RGS3: variants seen among roughly 807,000 people sequenced by gnomAD.
The protein encoded by RGS3 is regulator of G protein signaling 3, also known as regulator of G-protein signalling 3.
RGS3 carries 80 observed loss-of-function variants against 132.6 expected under a neutral mutation model. That is an observed-to-expected ratio of 0.60 (90% confidence interval 0.50 to 0.73). The LOEUF (loss-of-function observed/expected upper bound fraction) is 0.73. Among genes scored for constraint, RGS3 ranks in the 30% least tolerant of loss-of-function variants. RGS3 has a pLI of 0.00. For synonymous variants in RGS3, 598 were observed against 620.6 expected, an observed-to-expected ratio of 0.96 and a Z score of 0.54; for missense variants, 1,382 against 1,530.8, an observed-to-expected ratio of 0.90 and a Z score of 1.62.
chr9:113,583,327 C>T (rs1834916456), intron 19 of RGS3, 123 bp from the exon 18 acceptor site: 8 of 1,454,758 alleles, frequency 5.5e-6, no homozygotes, highest in Non-Finnish European at 7.2e-6. Context: ...TCTGGCACCT[C>T]AGCTTTCAGA....
At chr9:113,479,023 G>A (rs942773623) in intron 3 of RGS3, 15 of 169,908 alleles carry the variant, frequency 8.8e-5, no homozygotes, top group Non-Finnish European at 1.3e-4. Context: ...TTGTGTGCAC[G>A]TGCTTGTGTT....
At chr9:113,560,115 T>C (rs919467509) in intron 19 of RGS3, among the ~76,000 whole-genome samples, 2 of 152,194 alleles carry the variant, frequency 1.3e-5, no homozygotes, top group African/African-American at 4.8e-5. Flanking sequence ...CTGTGCTCTC[T>C]CTAAATTCCA....
At position 113,479,476 on chromosome 9, in the gene RGS3, T is replaced by G; in HGVS notation, c.416-15T>G. The G allele has an allele frequency of 5.6e-6, 9 of 1,614,134 alleles. No individual in the cohort carries two copies. Among genetic ancestry groups the G allele is most frequent in the Non-Finnish European group, 7.6e-6 (9 of 1,179,962 alleles). On this transcript the variant is annotated splice_polypyrimidine_tract_variant and intron_variant, in intron 3 of 24. Transcript: ENST00000350696. ...GGGAGCTGAGGCAAGGTTGTTTCTG[T>G]TGCTGTTTCCTTAGGTCAGCTGAGG...
At chr9:113,552,147 CTTAATATT>C (rs1833364222) in intron 19 of RGS3, among the ~76,000 whole-genome samples, 1 of 151,888 alleles carries the variant, frequency 6.6e-6, no homozygotes. Flanking sequence ...TTTTTTAACT[CTTAATATT>C]TTAATCAATT....
At chr9:113,559,046 A>T (rs545832538) in intron 19 of RGS3, among the ~76,000 whole-genome samples, 64 of 152,358 alleles carry the variant, frequency 4.2e-4, no homozygotes, top group African/African-American at 1.4e-3. Flanking sequence ...TTAGCATTTC[A>T]GTCTTTCCCC....
chr9:113,495,901 C>G, intron 8 of RGS3, 55 bp downstream of exon 6: 2 of 1,459,458 alleles, frequency 1.4e-6, no homozygotes, highest in Non-Finnish European at 9.6e-7. Context: ...GGGGCTGGTA[C>G]AGGCAGAGTT....
At chr9:113,584,337 C>T (rs1273302080) in exon 20 of RGS3, 1 of 1,594,982 alleles carries the variant, frequency 6.3e-7, no homozygotes, top group Non-Finnish European at 8.5e-7. Flanking sequence ...CCACCTGGGG[C>T]ATGCCTTCGC....
At chr9:113,485,769 AG>A in intron 7 of RGS3, 76 bp downstream of exon 5, 1 of 1,080,784 alleles carries the variant, frequency 9.3e-7, no homozygotes. Flanking sequence ...AGCATACACC[AG>A]GGGTTCGATT....
chr9:113,576,178 C>T (rs972216899), intron 19 of RGS3, among the ~76,000 whole-genome samples: 8 of 150,922 alleles, frequency 5.3e-5, no homozygotes, highest in African/African-American at 7.3e-5. Flanking sequence ...CCAGCCTGGG[C>T]GACAGAGCGA....
chr9:113,491,922 G>A (rs1830534730), intron 7 of RGS3, among the ~76,000 whole-genome samples: 7 of 152,330 alleles, frequency 4.6e-5, no homozygotes, highest in Admixed American at 4.6e-4. Flanking sequence ...GCCCTGCACT[G>A]TCCCAGGCAC....
At chr9:113,538,429 G>GT (rs922039248) in intron 19 of RGS3, among the ~76,000 whole-genome samples, 22 of 152,196 alleles carry the variant, frequency 1.4e-4, no homozygotes, top group Middle Eastern at 3.4e-3. Flanking sequence ...CTATGCCCCA[G>GT]TTTTTTTTCC....
At position 113,557,246 on chromosome 9, in the gene RGS3, G is replaced by T. The variant is rs573070200; in HGVS notation, c.2037+20328G>T. On this transcript the variant is annotated intron_variant, in intron 19 of 24. Transcript: ENST00000350696. The stretch of plus-strand genomic sequence containing the variant: ...AGCCTTGAGCAATGTCACTGAGAAG[G>T]CCTCAGCCTCTTCATTTCTTGGTTC... 3.3e-5 allele frequency among the ~76,000 whole-genome samples: 5 copies of T among 152,348 alleles called. No homozygotes were observed. The South Asian group carries it at 1.0e-3, about 32-fold the overall frequency.
chr9:113,468,399 A>G (rs1046212265), intron 3 of RGS3, among the ~76,000 whole-genome samples: 1 of 152,138 alleles, frequency 6.6e-6, no homozygotes, highest in African/African-American at 2.4e-5. Context: ...ATTCTATTCC[A>G]TTGATCTATC....
intron 19 of RGS3, among the ~76,000 whole-genome samples, chr9:113,548,874 C>T (rs1250682861): frequency 2.0e-5 from 3 of 152,094 alleles, no homozygotes; most frequent in Non-Finnish European, 2.9e-5. Context: ...CTCCTGGGAC[C>T]GGATGTGGTC....
At position 113,497,411 on chromosome 9, in the gene RGS3, G is replaced by C. The variant is rs1830723397; in HGVS notation, c.841+7G>C. 6.2e-7 allele frequency: 1 copy of C among 1,611,300 alleles called. No individual in the cohort carries two copies. On this transcript the variant is annotated splice_region_variant and intron_variant, in intron 9 of 24. Transcript: ENST00000350696. Reference sequence around the variant, plus strand: ...CGACTGCGGCCGCTGAGAGGTACCTGCACACCCCCTTCAGCTTCCCTTCCC... The same window carrying C: ...CGACTGCGGCCGCTGAGAGGTACCTCCACACCCCCTTCAGCTTCCCTTCCC...
intron 1 of RGS3, among the ~76,000 whole-genome samples, chr9:113,453,831 A>G (rs1046698883): frequency 6.7e-5 from 10 of 149,642 alleles, no homozygotes; most frequent in Non-Finnish European, 1.3e-4. Flanking sequence ...CCATGTCTTT[A>G]CTTCACATAC....
exon 3 of RGS3, chr9:113,462,164 C>T (rs1411975790): frequency 6.2e-7 from 1 of 1,613,976 alleles, no homozygotes; most frequent in Non-Finnish European, 8.5e-7. Flanking sequence ...CTTCTCCAGC[C>T]AGGAAGAGGA....
At chr9:113,495,562 T>C (rs1830652418) in intron 7 of RGS3, among the ~76,000 whole-genome samples, 1 of 152,304 alleles carries the variant, frequency 6.6e-6, no homozygotes, top group Admixed American at 6.5e-5. Flanking sequence ...CCTGTGACCT[T>C]GGGAAAGGGA....
chr9:113,523,907 C>G (rs1455805750), intron 17 of RGS3, among the ~76,000 whole-genome samples: 1 of 152,168 alleles, frequency 6.6e-6, no homozygotes, highest in Non-Finnish European at 1.5e-5. Context: ...GTTCCTCCTC[C>G]TCGGAAACCC....
Sources: allele counts gnomAD v4.1 joint callset (sites outside exome capture counted in the v4.1 genomes callset), GRCh38; gene constraint gnomAD v4.1.1; transcripts MANE v1.5; gene names NCBI Gene and HGNC (gene_info 2026-07-23, HGNC 2026-07-21).